The following ESRRG variants were observed in gnomAD, a reference collection of about 807,000 sequenced individuals.
ESRRG encodes the protein estrogen-related receptor gamma.
Under a neutral mutation model 44.0 loss-of-function variants are expected in ESRRG, and 13 were observed. The ratio of observed to expected loss-of-function variants is 0.30; its 90% CI spans 0.19 to 0.47. The LOEUF (loss-of-function observed/expected upper bound fraction) is 0.47, where lower values mean the gene tolerates loss of function less well. Among genes scored for constraint, ESRRG ranks in the 20% least tolerant of loss-of-function variants. The probability of loss-of-function intolerance (pLI) is 1.00; values close to 1 mark genes in which losing one functional copy is unlikely to be tolerated. For missense variants in ESRRG, 395 were observed against 580.6 expected (o/e 0.68, Z 3.29); for synonymous variants, 215 against 214.6 (o/e 1.00, Z -0.02).
At chr1:216,582,103 T>G (rs961048527) in intron 3 of ESRRG, among the ~76,000 whole-genome samples, 4 of 152,256 alleles carry the variant, frequency 2.6e-5, no homozygotes, top group African/African-American at 9.6e-5. Flanking sequence ...TTCTATAGGC[T>G]ACATCTTGAA....
At chr1:216,805,503 C>T (rs1403989486) in intron 2 of ESRRG, 1 of 152,184 alleles carries the variant, frequency 6.6e-6, no homozygotes, top group Non-Finnish European at 1.5e-5. Flanking sequence ...GTGAGCATCA[C>T]AAGTCCAGGC....
intron 2 of ESRRG, among the ~76,000 whole-genome samples, chr1:216,920,704 AC>A (rs1560116050): frequency 6.6e-6 from 1 of 152,162 alleles, no homozygotes; most frequent in Non-Finnish European, 1.5e-5. Context: ...TTCACTTATT[AC>A]ACTGCTGCCT....
At chr1:216,679,541 C>T (rs1451325753) in intron 1 of ESRRG, among the ~76,000 whole-genome samples, 2 of 152,110 alleles carry the variant, frequency 1.3e-5, no homozygotes, top group African/African-American at 4.8e-5. Flanking sequence ...CCCCTTTCCT[C>T]TCTCCAGCAC....
chr1:216,506,871 C>T lies in ESRRG; in HGVS notation c.*68G>A, dbSNP rs1270081795. On this transcript the variant is annotated 3_prime_UTR_variant, in exon 7 of 7. Transcript: ENST00000408911. ...TTGTTAACTAAACTCTAAGTTTCTT[C>T]GACATCACTCTTGGGTTTATTTTCC... The T allele has an allele frequency of 1.2e-5, 18 of 1,534,704 alleles. No individual in the cohort carries two copies. Among genetic ancestry groups the T allele is most frequent in the African/African-American group, 6.9e-5 (5 of 72,094 alleles).
At chr1:216,764,833 G>A (rs1410768687) in intron 2 of ESRRG, among the ~76,000 whole-genome samples, 2 of 152,044 alleles carry the variant, frequency 1.3e-5, no homozygotes, top group African/African-American at 2.4e-5. Flanking sequence ...AGGGGTAGGG[G>A]AACAACAGAT....
At chr1:217,020,033 G>C (rs992175929) in intron 1 of ESRRG, among the ~76,000 whole-genome samples, 1 of 152,044 alleles carries the variant, frequency 6.6e-6, no homozygotes, top group Non-Finnish European at 1.5e-5. Context: ...ACTTGCCATG[G>C]ACCTTCAGCC....
chr1:216,670,686 G>T (rs1006473422), intron 2 of ESRRG, among the ~76,000 whole-genome samples: 1 of 152,160 alleles, frequency 6.6e-6, no homozygotes, highest in Non-Finnish European at 1.5e-5. Flanking sequence ...GGACTAAACT[G>T]CCCTTCTGGT....
chr1:216,632,051 T>G (rs2150715449), intron 3 of ESRRG, among the ~76,000 whole-genome samples: 1 of 152,346 alleles, frequency 6.6e-6, no homozygotes, highest in East Asian at 1.9e-4. Flanking sequence ...TAATGCCTAC[T>G]TTATCTAAAA....
intron 5 of ESRRG, among the ~76,000 whole-genome samples, chr1:216,552,173 C>G (rs1340034763): frequency 6.6e-6 from 1 of 151,844 alleles, no homozygotes. Flanking sequence ...AATCTATCTT[C>G]AAGAAATATA....
chr1:216,958,317 G>A (rs1024915668), intron 1 of ESRRG, among the ~76,000 whole-genome samples: 5 of 152,038 alleles, frequency 3.3e-5, no homozygotes, highest in African/African-American at 9.7e-5. Context: ...CTGGGTCATA[G>A]GTAAAAATCT....
intron 1 of ESRRG, among the ~76,000 whole-genome samples, chr1:217,103,031 C>A (rs1227151931): frequency 4.6e-5 from 7 of 152,098 alleles, no homozygotes; most frequent in African/African-American, 1.7e-4. Flanking sequence ...CAGGAGACTG[C>A]AAATCATACT....
At chr1:216,959,127 AT>A (rs1201484952) in intron 1 of ESRRG, among the ~76,000 whole-genome samples, 2 of 150,668 alleles carry the variant, frequency 1.3e-5, no homozygotes, top group Non-Finnish European at 3.0e-5. Flanking sequence ...TTTATAGTTT[AT>A]CTCATTCTAC....
intron 1 of ESRRG, among the ~76,000 whole-genome samples, chr1:217,015,196 G>A (rs1199065344): frequency 2.0e-5 from 3 of 152,178 alleles, no homozygotes; most frequent in Non-Finnish European, 4.4e-5. Flanking sequence ...TGAAAATAGT[G>A]CAGGGGCTGA....
intron 1 of ESRRG, among the ~76,000 whole-genome samples, chr1:216,973,933 T>C (rs924740570): frequency 6.6e-6 from 1 of 152,174 alleles, no homozygotes; most frequent in African/African-American, 2.4e-5. Flanking sequence ...AGCGTATCCC[T>C]GGTTTTTAAC....
chr1:216,966,150 C>T (rs1449500661), intron 1 of ESRRG, among the ~76,000 whole-genome samples: 1 of 152,122 alleles, frequency 6.6e-6, no homozygotes, highest in Non-Finnish European at 1.5e-5. Flanking sequence ...CCTGGGTCTC[C>T]ATTTGGACAC....
At chr1:217,023,330 G>A (rs2080660587) in intron 1 of ESRRG, among the ~76,000 whole-genome samples, 1 of 152,156 alleles carries the variant, frequency 6.6e-6, no homozygotes, top group African/African-American at 2.4e-5. Context: ...CAGACACCAG[G>A]AGGAGGGTTC....
chr1:216,719,339 A>G (rs1428328789), intron 1 of ESRRG, among the ~76,000 whole-genome samples: 2 of 152,028 alleles, frequency 1.3e-5, no homozygotes, highest in African/African-American at 4.8e-5. Flanking sequence ...TTTCTCAGCC[A>G]GGAAGCACAA....
At chr1:216,653,377 GATTTT>G (rs1191404613) in intron 2 of ESRRG, among the ~76,000 whole-genome samples, 7 of 152,134 alleles carry the variant, frequency 4.6e-5, no homozygotes, top group Non-Finnish European at 8.8e-5. Flanking sequence ...TCATTATGCT[GATTTT>G]AAAAAATCAA....
chr1:216,526,653 C>T (rs2047748073), intron 5 of ESRRG, among the ~76,000 whole-genome samples: 1 of 152,344 alleles, frequency 6.6e-6, no homozygotes, highest in South Asian at 2.1e-4. Flanking sequence ...TACAGACCCA[C>T]AGGTGACCTT....
Sources: allele counts gnomAD v4.1 joint callset (sites outside exome capture counted in the v4.1 genomes callset), GRCh38; gene constraint gnomAD v4.1.1; transcripts MANE v1.5; gene names NCBI Gene and HGNC (gene_info 2026-07-23, HGNC 2026-07-21).